Variants in FMN1 observed in about 807,000 individuals in gnomAD.
The protein encoded by FMN1 is formin-1.
Under a neutral mutation model 132.4 loss-of-function variants are expected in FMN1, and 110 were observed. The observed-to-expected ratio is 0.83, with a 90% CI of 0.71 to 0.97. FMN1 has a LOEUF of 0.97. Among genes scored for constraint, FMN1 ranks in the 50% least tolerant of loss-of-function variants. The probability of loss-of-function intolerance (pLI) is 0.00; values close to 1 mark genes in which losing one functional copy is unlikely to be tolerated. For missense variants in FMN1, 1,792 were observed against 1,705.3 expected (o/e 1.05, Z -0.90); for synonymous variants, 722 against 651.7 (o/e 1.11, Z -1.64).
At chr15:32,933,864 G>C (rs541419141) in intron 9 of FMN1, among the ~76,000 whole-genome samples, 2 of 151,952 alleles carry the variant, frequency 1.3e-5, no homozygotes, top group South Asian at 4.2e-4. Flanking sequence ...TTCACTTTCA[G>C]CCTGTGTCCT....
intron 4 of FMN1, among the ~76,000 whole-genome samples, chr15:33,124,278 T>C (rs1962843451): frequency 6.6e-6 from 1 of 152,184 alleles, no homozygotes; most frequent in Non-Finnish European, 1.5e-5. Context: ...TGACATTCAC[T>C]GTAGAAAAGT....
intron 5 of FMN1, among the ~76,000 whole-genome samples, chr15:33,070,386 CTTTTTTT>C (rs34096484): frequency 7.4e-6 from 1 of 134,374 alleles, no homozygotes; most frequent in Non-Finnish European, 1.6e-5. Context: ...CGTATTTGGT[CTTTTTTT>C]TTTTTTTTTT....
rs564562720 is a variant in FMN1 at position 32,769,250 on chromosome 15, C to G, written c.*5060G>C. On this transcript the variant is annotated 3_prime_UTR_variant, in exon 21 of 21. Transcript: ENST00000616417. ...ACAGTATTGGTTAAGAGTCTTGGAA[C>G]AAATAAGGATACTGAATTGGCTTCA... is the stretch of plus-strand genomic sequence containing the variant. 6.2e-4 allele frequency: 94 copies of G among 152,342 alleles called. No individual in the cohort carries two copies. Among genetic ancestry groups the G allele is most frequent in the Middle Eastern group, 3.4e-3 (1 of 294 alleles). 9.4% of individuals were successfully genotyped at this position (152,342 alleles called of 1,614,324 possible).
chr15:33,105,085 TCTCA>T (rs1231761096), intron 4 of FMN1, among the ~76,000 whole-genome samples: 16 of 152,174 alleles, frequency 1.1e-4, no homozygotes, highest in African/African-American at 3.4e-4. Context: ...ACACAATCTC[TCTCA>T]CTGTCTTCAA....
chr15:32,914,177 C>G (rs1243926458), intron 10 of FMN1, among the ~76,000 whole-genome samples: 1 of 152,062 alleles, frequency 6.6e-6, no homozygotes, highest in African/African-American at 2.4e-5. Flanking sequence ...TTTCCTTATT[C>G]AAAAAAGTTT....
chr15:33,109,415 A>C (rs1566923143), intron 4 of FMN1, among the ~76,000 whole-genome samples: 1 of 152,168 alleles, frequency 6.6e-6, no homozygotes, highest in Non-Finnish European at 1.5e-5. Context: ...CACTATTCAC[A>C]ATAGCAAAGA....
intron 16 of FMN1, among the ~76,000 whole-genome samples, chr15:32,877,990 G>A (rs2059677593): frequency 1.3e-5 from 2 of 152,014 alleles, no homozygotes; most frequent in Non-Finnish European, 2.9e-5. Flanking sequence ...TGGAGGAAGA[G>A]AAAATTTACA....
chr15:33,127,483 ATTAC>A (rs993100114), intron 4 of FMN1, among the ~76,000 whole-genome samples: 3 of 152,214 alleles, frequency 2.0e-5, no homozygotes, highest in East Asian at 1.9e-4. Flanking sequence ...ATAGGTAACT[ATTAC>A]TTACTAAATG....
intron 12 of FMN1, among the ~76,000 whole-genome samples, chr15:32,904,714 G>C (rs796468261): frequency 8.3e-4 from 126 of 152,232 alleles, no homozygotes; most frequent in African/African-American, 2.8e-3. Flanking sequence ...AAGCAAATTT[G>C]GAGGAAAAAA....
intron 6 of FMN1, among the ~76,000 whole-genome samples, chr15:33,031,347 C>G (rs2035928758): frequency 6.6e-6 from 1 of 152,130 alleles, no homozygotes; most frequent in South Asian, 2.1e-4. Context: ...TCTGATGCAC[C>G]TGAGAGCACA....
Position 32,770,729 on chromosome 15 carries a change from T to C in FMN1, c.*3581A>G, listed in dbSNP as rs78263497. On this transcript the variant is annotated 3_prime_UTR_variant, in exon 21 of 21. Coordinates refer to ENST00000616417, the MANE Select transcript of FMN1 (RefSeq NM_001277313.2). ...AGGGGAGGGGAGACTGCATGCCATC[T>C]GATATTCAATTCCTCAACCATACTG... The C allele has an allele frequency of 3.3e-3, 507 of 152,346 alleles. No individual in the cohort carries two copies. Among genetic ancestry groups the C allele is most frequent in the Non-Finnish European group, 5.2e-3 (356 of 68,046 alleles). 9.4% of individuals were successfully genotyped at this position (152,346 alleles called of 1,614,324 possible).
chr15:33,153,310 G>A lies in FMN1; in HGVS notation c.1605C>T (p.His535=). The A allele has an allele frequency of 2.0e-6, 3 of 1,536,326 alleles. No individual in the cohort carries two copies. The highest frequency in any genetic ancestry group is 2.6e-6 in the Non-Finnish European group (3 of 1,146,922). ...GCAATGCAGGGAGCCGGAGGATCCTGTGATGCTGCTGAGGGCTGGGGAGCC... is the reference window on the plus strand; with the variant it reads ...GCAATGCAGGGAGCCGGAGGATCCTATGATGCTGCTGAGGGCTGGGGAGCC... ...SPRLPSPQQH[H]RILRLPALPG... is the part of the protein sequence containing the mutation. Residue 535 remains histidine, a synonymous_variant, in exon 4 of 21, where the codon CAC becomes CAT. Transcript: ENST00000616417.
At chr15:33,012,150 T>C in intron 6 of FMN1, 12 of 509,300 alleles carry the variant, frequency 2.4e-5, no homozygotes, top group South Asian at 2.3e-4. Flanking sequence ...TCAAAGGGCC[T>C]GAACAGCTGT....
chr15:33,068,908 C>T (rs1268596958), intron 5 of FMN1, among the ~76,000 whole-genome samples: 1 of 152,226 alleles, frequency 6.6e-6, no homozygotes, highest in Admixed American at 6.5e-5. Context: ...TCTTTCTGCT[C>T]AGCAGCTGTG....
At chr15:32,810,131 G>T (rs780377073) in intron 17 of FMN1, among the ~76,000 whole-genome samples, 1 of 152,022 alleles carries the variant, frequency 6.6e-6, no homozygotes, top group Non-Finnish European at 1.5e-5. Context: ...TGGCCAGGCT[G>T]GTCTCAAACT....
intron 17 of FMN1, among the ~76,000 whole-genome samples, chr15:32,838,296 A>G (rs560610404): frequency 6.6e-6 from 1 of 152,140 alleles, no homozygotes. Flanking sequence ...AAAATCGGAG[A>G]GGTGAGGCCA....
intron 6 of FMN1, among the ~76,000 whole-genome samples, chr15:33,052,197 A>C (rs11636078): frequency 6.6e-6 from 1 of 152,148 alleles, no homozygotes; most frequent in Non-Finnish European, 1.5e-5. Context: ...TACTATACAT[A>C]ACTATGCTGG....
At chr15:32,805,143 AT>A (rs1484463261) in intron 17 of FMN1, among the ~76,000 whole-genome samples, 1 of 152,044 alleles carries the variant, frequency 6.6e-6, no homozygotes, top group Non-Finnish European at 1.5e-5. Context: ...AAGCGTTCCT[AT>A]TTCTCCACAC....
chr15:33,048,536 C>G (rs913555852), intron 6 of FMN1, among the ~76,000 whole-genome samples: 2 of 147,738 alleles, frequency 1.4e-5, no homozygotes, highest in African/African-American at 2.5e-5. Flanking sequence ...ATTGAGACTA[C>G]TAAAAAAAAA....
Sources: gnomAD v4.1 joint callset for allele counts (sites outside exome capture counted in the v4.1 genomes callset) on GRCh38, gnomAD v4.1.1 for gene constraint, MANE v1.5 for transcripts, NCBI Gene and HGNC (gene_info 2026-07-23, HGNC 2026-07-21) for gene names.